The following PROSER3 variants were observed in gnomAD, a reference collection of about 807,000 sequenced individuals.
PROSER3 encodes the protein proline and serine-rich protein 3.
A neutral mutation model predicts 50.2 loss-of-function variants in PROSER3; 33 were observed. That is an observed-to-expected ratio of 0.66 (90% CI 0.50 to 0.88). The LOEUF (loss-of-function observed/expected upper bound fraction) is 0.88. Among genes scored for constraint, PROSER3 ranks in the 40% least tolerant of loss-of-function variants. PROSER3 has a pLI of 0.00. For synonymous variants in PROSER3, 266 were observed against 259.3 expected (o/e 1.03, Z -0.25); for missense variants, 623 against 612.7 (o/e 1.02, Z -0.18).
At chr19:35,758,215 G>C (rs1206921260) in exon 1 of PROSER3, 7 of 1,562,338 alleles carry the variant, frequency 4.5e-6, no homozygotes, top group East Asian at 2.4e-5. Context: ...GGAGCCGCGG[G>C]ATGGACCGCA....
At chr19:35,759,824 C>A in exon 3 of PROSER3, 1 of 1,570,986 alleles carries the variant, frequency 6.4e-7, no homozygotes, top group Non-Finnish European at 8.6e-7. Flanking sequence ...GATCCAGGCT[C>A]CCACAAGCTC....
At position 35,765,537 on chromosome 19, in the gene PROSER3, G is replaced by A. The variant is rs138303132; in HGVS notation, c.769+361G>A. Among the ~76,000 whole-genome samples the A allele has an allele frequency of 4.8e-3, 733 of 152,096 alleles. 4 individuals are homozygous for A. Among genetic ancestry groups the A allele is most frequent in the African/African-American group, 0.016 (679 of 41,502 alleles). ...GGAGGTTGCAGTGAGCCGAGATTGCGCCATTGCACTCCAGCTTGGGCGACA... is the reference window on the plus strand; with the variant it reads ...GGAGGTTGCAGTGAGCCGAGATTGCACCATTGCACTCCAGCTTGGGCGACA... On this transcript the variant is annotated intron_variant, in intron 7 of 10. Transcript: ENST00000396908.
intron 5 of PROSER3, among the ~76,000 whole-genome samples, chr19:35,763,454 C>G (rs1164610733): frequency 1.3e-5 from 2 of 151,568 alleles, no homozygotes; most frequent in Admixed American, 6.6e-5. Flanking sequence ...AATCCGCCCA[C>G]CTCAGCCTCC....
chr19:35,759,302 C>A (rs1599744761), intron 1 of PROSER3, 72 bp from the exon 2 acceptor site: 2 of 1,200,280 alleles, frequency 1.7e-6, no homozygotes, highest in Non-Finnish European at 1.2e-6. Context: ...TGGTTCTGCC[C>A]TCCTCTAATG....
intron 7 of PROSER3, among the ~76,000 whole-genome samples, chr19:35,766,302 G>A (rs1263778591): frequency 6.6e-6 from 1 of 152,160 alleles, no homozygotes; most frequent in Non-Finnish European, 1.5e-5. Flanking sequence ...CCAGCACTTT[G>A]GGAGGCCCAG....
intron 1 of PROSER3, chr19:35,758,834 A>T (rs1454742095): frequency 6.5e-6 from 1 of 153,004 alleles, no homozygotes; most frequent in Non-Finnish European, 1.5e-5. Context: ...CGCCTGGCTA[A>T]TTTTTTATAT....
At chr19:35,766,804 C>G in exon 8 of PROSER3, 1 of 1,551,314 alleles carries the variant, frequency 6.4e-7, no homozygotes, top group Non-Finnish European at 8.7e-7. Flanking sequence ...ACCCCCACCC[C>G]TGCTCCAGCC....
At chr19:35,758,378 C>T in intron 1 of PROSER3, 152 bp downstream of exon 1, 1 of 1,041,864 alleles carries the variant, frequency 9.6e-7, no homozygotes, top group Non-Finnish European at 1.3e-6. Flanking sequence ...CAGCCGTTGG[C>T]CTCTCCAGCC....
At chr19:35,762,413 G>A in intron 5 of PROSER3, 57 bp downstream of exon 5, 1 of 1,460,616 alleles carries the variant, frequency 6.8e-7, no homozygotes. Context: ...ACCAGCCCTA[G>A]GACAGAATTA....
At chr19:35,759,508 A>G (rs1412571603) in intron 2 of PROSER3, 38 bp downstream of exon 2, 9 of 1,536,828 alleles carry the variant, frequency 5.9e-6, no homozygotes, top group Non-Finnish European at 8.0e-6. Context: ...GTGCCAGCCC[A>G]GTAGCAAGAG....
At chr19:35,768,492 C>A (rs79224373) in exon 11 of PROSER3, 5 of 1,598,132 alleles carry the variant, frequency 3.1e-6, no homozygotes, top group Non-Finnish European at 4.2e-6. Flanking sequence ...CCCTAGGTCC[C>A]CAAGGAGGCT....
At chr19:35,762,499 A>G in intron 5 of PROSER3, 143 bp downstream of exon 5, 1 of 636,574 alleles carries the variant, frequency 1.6e-6, no homozygotes, top group Non-Finnish European at 2.6e-6. Context: ...GCTTGAGGCC[A>G]GGAGTTCAAG....
intron 7 of PROSER3, 36 bp downstream of exon 7, chr19:35,765,212 G>C: frequency 6.2e-7 from 1 of 1,601,416 alleles, no homozygotes; most frequent in Non-Finnish European, 8.5e-7. Flanking sequence ...GGGCAGCCTG[G>C]GTGCAAATCC....
At chr19:35,761,968 A>G in intron 3 of PROSER3, 51 bp from the exon 4 acceptor site, 1 of 1,514,904 alleles carries the variant, frequency 6.6e-7, no homozygotes, top group Non-Finnish European at 8.9e-7. Flanking sequence ...TATTCTTATT[A>G]TTATTTGGCT....
At chr19:35,766,173 G>A (rs1205929065) in intron 7 of PROSER3, among the ~76,000 whole-genome samples, 1 of 152,096 alleles carries the variant, frequency 6.6e-6, no homozygotes, top group Non-Finnish European at 1.5e-5. Context: ...GTAGCGGGTG[G>A]GGGAGTGGGT....
chr19:35,768,186 C>A (rs771344050), exon 10 of PROSER3: 3 of 1,613,640 alleles, frequency 1.9e-6, no homozygotes, highest in East Asian at 4.5e-5. Flanking sequence ...AGGACGATCC[C>A]GTGCTGCAGG....
chr19:35,762,502 A>T, intron 5 of PROSER3, 146 bp downstream of exon 5: 1 of 579,276 alleles, frequency 1.7e-6, no homozygotes, highest in East Asian at 3.3e-5. Flanking sequence ...TGAGGCCAGG[A>T]GTTCAAGACC....
chr19:35,766,635 G>A, intron 7 of PROSER3, 133 bp from the exon 8 acceptor site: 1 of 630,366 alleles, frequency 1.6e-6, no homozygotes, highest in African/African-American at 1.8e-5. Context: ...CCCCAGAGAG[G>A]AGCTGGGACA....
At chr19:35,769,925 GAC>G (rs1372069747), downstream of PROSER3, 2 of 151,900 alleles carry the variant, frequency 1.3e-5, no homozygotes, top group Non-Finnish European at 2.9e-5. Flanking sequence ...TTTGTTTTGA[GAC>G]AGAGTCTTGC....
Sources: allele counts gnomAD v4.1 joint callset (sites outside exome capture counted in the v4.1 genomes callset), GRCh38; gene constraint gnomAD v4.1.1; transcripts MANE v1.5; gene names NCBI Gene and HGNC (gene_info 2026-07-23, HGNC 2026-07-21).